Variants in GLIS1 observed in about 807,000 individuals in gnomAD.
The protein encoded by GLIS1 is GLIS family zinc finger 1.
Under a neutral mutation model 63.8 loss-of-function variants are expected in GLIS1, and 24 were observed. The ratio of observed to expected loss-of-function variants is 0.38; its 90% CI spans 0.27 to 0.53. GLIS1 has a LOEUF of 0.53. GLIS1 is among the 20% of genes least tolerant of loss of function. The pLI, the probability that GLIS1 is intolerant of heterozygous loss-of-function variation, is 0.85. For synonymous variants in GLIS1, 450 were observed against 482.5 expected, an observed-to-expected ratio of 0.93 and a Z score of 0.88; for missense variants, 1,036 against 1,074.1, an observed-to-expected ratio of 0.96 and a Z score of 0.50.
intron 2 of GLIS1, among the ~76,000 whole-genome samples, chr1:53,722,145 T>C (rs1196956469): frequency 6.6e-6 from 1 of 152,214 alleles, no homozygotes; most frequent in Non-Finnish European, 1.5e-5. Context: ...CTGGTAAAGA[T>C]ACAGTTCCAT....
rs138426090 is a variant in GLIS1, at chr1:53,594,547, C to T, written c.881G>A (p.Arg294Gln). The T allele has an allele frequency of 2.3e-4, 369 of 1,603,406 alleles. No homozygotes were observed. The highest frequency in any genetic ancestry group is 2.9e-4 in the South Asian group (26 of 90,838). ...CGTCGATGCAGGGCCAGGCCGGGCC[C>T]GCTTGGAAGGGCCCCCCAGATCTCC... ...LTGDLGGPSK[R>Q]ARPGPASTDS... is the part of the protein sequence containing the mutation. The change falls in exon 4 of 11, where the codon CGG (arginine) becomes CAG (glutamine). Residue 294 changes from arginine to glutamine, a missense_variant. Coordinates refer to ENST00000628545, the MANE Select transcript of GLIS1 (RefSeq NM_001367484.1).
intron 2 of GLIS1, among the ~76,000 whole-genome samples, chr1:53,615,734 TTCA>T: frequency 1.5e-5 from 2 of 137,264 alleles, no homozygotes; most frequent in Admixed American, 1.4e-4. Context: ...ATTTATTTTA[TTCA>T]TTTATTTATT....
chr1:53,700,475 C>T (rs1646511778), intron 2 of GLIS1, among the ~76,000 whole-genome samples: 2 of 152,196 alleles, frequency 1.3e-5, no homozygotes, highest in South Asian at 4.1e-4. Flanking sequence ...TGGAGGGTAA[C>T]ATGAACAAAT....
At chr1:53,665,875 A>G (rs1296815319) in intron 2 of GLIS1, among the ~76,000 whole-genome samples, 1 of 152,182 alleles carries the variant, frequency 6.6e-6, no homozygotes, top group Non-Finnish European at 1.5e-5. Flanking sequence ...ATCCAGCAAC[A>G]TCGAACGCCC....
At chr1:53,718,785 C>A (rs914962100) in intron 2 of GLIS1, among the ~76,000 whole-genome samples, 4 of 152,192 alleles carry the variant, frequency 2.6e-5, no homozygotes, top group African/African-American at 7.2e-5. Context: ...CCCCGAGACA[C>A]TTTTTAGTCC....
chr1:53,719,730 G>A (rs2100546492), intron 2 of GLIS1, among the ~76,000 whole-genome samples: 1 of 152,278 alleles, frequency 6.6e-6, no homozygotes, highest in East Asian at 1.9e-4. Flanking sequence ...GTGGAGAAAG[G>A]GGGATACTCA....
intron 2 of GLIS1, among the ~76,000 whole-genome samples, chr1:53,603,666 C>A (rs1417327977): frequency 6.6e-6 from 1 of 152,190 alleles, no homozygotes; most frequent in Non-Finnish European, 1.5e-5. Flanking sequence ...ATGGATCCTT[C>A]CCTGGAAAAG....
chr1:53,520,612 C>A (rs766971623), intron 7 of GLIS1, 22 bp downstream of exon 7: 19 of 1,592,596 alleles, frequency 1.2e-5, no homozygotes, highest in Non-Finnish European at 1.6e-5. Flanking sequence ...ACGCCCCTGG[C>A]CCTGCCTCCC....
chr1:53,522,769 G>A (rs902068548), intron 6 of GLIS1, among the ~76,000 whole-genome samples: 5 of 151,866 alleles, frequency 3.3e-5, no homozygotes, highest in African/African-American at 9.7e-5. Context: ...TTAAAAAAAA[G>A]CCAGGAGCAG....
intron 2 of GLIS1, among the ~76,000 whole-genome samples, chr1:53,699,068 TTTTTA>T (rs1289376590): frequency 7.2e-6 from 1 of 138,762 alleles, no homozygotes; most frequent in Non-Finnish European, 1.6e-5. Context: ...TTTATTTTTA[TTTTTA>T]TTTTTTTTTG....
At chr1:53,593,906 C>A (rs1255437108) in intron 4 of GLIS1, among the ~76,000 whole-genome samples, 1 of 152,224 alleles carries the variant, frequency 6.6e-6, no homozygotes, top group Non-Finnish European at 1.5e-5. Flanking sequence ...ATGAGGGCCC[C>A]TCTGCCACGG....
intron 4 of GLIS1, among the ~76,000 whole-genome samples, chr1:53,534,132 C>A (rs1644559159): frequency 6.6e-6 from 1 of 151,948 alleles, no homozygotes; most frequent in African/African-American, 2.4e-5. Flanking sequence ...GCTGGGAGGG[C>A]TGCAGGGAGG....
chr1:53,530,997 C>T (rs987465727), intron 4 of GLIS1, among the ~76,000 whole-genome samples: 5 of 152,218 alleles, frequency 3.3e-5, no homozygotes, highest in African/African-American at 9.7e-5. Flanking sequence ...GTGAAGTATA[C>T]GGCATTAATG....
At chr1:53,650,289 C>T (rs1331988177) in intron 2 of GLIS1, among the ~76,000 whole-genome samples, 2 of 152,070 alleles carry the variant, frequency 1.3e-5, no homozygotes, top group Non-Finnish European at 2.9e-5. Flanking sequence ...AACATAAATC[C>T]ATAAAAAAGA....
intron 2 of GLIS1, among the ~76,000 whole-genome samples, chr1:53,629,477 C>G (rs926889358): frequency 6.6e-6 from 1 of 152,222 alleles, no homozygotes; most frequent in East Asian, 1.9e-4. Flanking sequence ...TAGAAATGAA[C>G]AGCATGAGAT....
chr1:53,626,109 T>C (rs111368960), intron 2 of GLIS1, among the ~76,000 whole-genome samples: 32 of 152,320 alleles, frequency 2.1e-4, no homozygotes, highest in African/African-American at 7.7e-4. Flanking sequence ...CTCTTAGGAA[T>C]GGCAAACGAG....
intron 4 of GLIS1, among the ~76,000 whole-genome samples, chr1:53,578,758 G>A (rs1645056492): frequency 6.6e-6 from 1 of 152,124 alleles, no homozygotes; most frequent in African/African-American, 2.4e-5. Context: ...ATCTTTTATT[G>A]TAACTATCCA....
chr1:53,635,335 T>C (rs1212121335), intron 2 of GLIS1, among the ~76,000 whole-genome samples: 1 of 152,088 alleles, frequency 6.6e-6, no homozygotes, highest in Non-Finnish European at 1.5e-5. Context: ...TCTCATATAT[T>C]TGGAAATTAA....
chr1:53,668,786 G>A (rs530306032), intron 2 of GLIS1, among the ~76,000 whole-genome samples: 5 of 152,222 alleles, frequency 3.3e-5, no homozygotes, highest in South Asian at 4.1e-4. Flanking sequence ...CCATCTAGGC[G>A]TGCGTAAGTA....
Sources: gnomAD v4.1 joint callset for allele counts (sites outside exome capture counted in the v4.1 genomes callset) on GRCh38, gnomAD v4.1.1 for gene constraint, MANE v1.5 for transcripts, NCBI Gene and HGNC (gene_info 2026-07-23, HGNC 2026-07-21) for gene names.